Variants in RBFOX3 observed in about 807,000 individuals in gnomAD.
RBFOX3 encodes the protein RNA binding protein fox-1 homolog 3.
A neutral mutation model predicts 48.7 loss-of-function variants in RBFOX3; 17 were observed. That is an observed-to-expected ratio of 0.35 (90% confidence interval 0.24 to 0.52). The LOEUF is 0.52. Among genes scored for constraint, RBFOX3 ranks in the 20% least tolerant of loss-of-function variants. The probability of loss-of-function intolerance (pLI) is 0.94; values close to 1 mark genes in which losing one functional copy is unlikely to be tolerated. For missense variants in RBFOX3, 382 were observed against 497.5 expected (o/e 0.77, Z 2.21); for synonymous variants, 212 against 209.5 (o/e 1.01, Z -0.10).
In RBFOX3 at chr17:79,149,285, C is replaced by T. The variant is rs529588886; in HGVS notation, c.-33-33537G>A. On this transcript the variant is annotated intron_variant, in intron 4 of 14. Transcript: ENST00000693108. ...TAGTAGAGCGTGGGAGGCAGCATCTCGGGACCCCTCCCTGGCCCGGTGCAG... is the reference window on the plus strand; with the variant it reads ...TAGTAGAGCGTGGGAGGCAGCATCTTGGGACCCCTCCCTGGCCCGGTGCAG... Among the ~76,000 whole-genome samples, 249 of 152,266 alleles carry T rather than the reference C, an allele frequency of 1.6e-3. 1 individual carries two copies. Among genetic ancestry groups the T allele is most frequent in the African/African-American group, 5.5e-3 (228 of 41,526 alleles).
intron 5 of RBFOX3, among the ~76,000 whole-genome samples, chr17:79,109,923 G>A (rs1047856681): frequency 6.6e-6 from 1 of 152,180 alleles, no homozygotes; most frequent in African/African-American, 2.4e-5. Flanking sequence ...CACAGGTGAG[G>A]AAGAAGCCAT....
At chr17:79,611,266 C>T (rs2093967617), upstream of RBFOX3, among the ~76,000 whole-genome samples, 1 of 149,600 alleles carries the variant, frequency 6.7e-6, no homozygotes, top group African/African-American at 2.5e-5. Flanking sequence ...CACGCGGCGG[C>T]GGCGCGGGCG....
chr17:79,517,958 G>A (rs1427749943), intron 1 of RBFOX3, among the ~76,000 whole-genome samples: 6 of 152,158 alleles, frequency 3.9e-5, no homozygotes, highest in African/African-American at 1.4e-4. Flanking sequence ...CAGACAGGAG[G>A]CAGCCGGAGA....
intron 1 of RBFOX3, among the ~76,000 whole-genome samples, chr17:79,563,610 C>G (rs2092340490): frequency 6.6e-6 from 1 of 152,208 alleles, no homozygotes; most frequent in African/African-American, 2.4e-5. Context: ...GACATTGGTA[C>G]AGGTTTGATT....
At chr17:79,639,558 T>C in the RBFOX3 span, among the ~76,000 whole-genome samples, 11 of 152,198 alleles carry the variant, frequency 7.2e-5, no homozygotes, top group Non-Finnish European at 1.3e-4. Context: ...TACAGGGCAA[T>C]ATCTCTGATG....
intron 2 of RBFOX3, among the ~76,000 whole-genome samples, chr17:79,330,434 C>G (rs1365679905): frequency 7.0e-6 from 1 of 143,674 alleles, no homozygotes; most frequent in Non-Finnish European, 1.5e-5. Flanking sequence ...CTCCACCGAG[C>G]ACAACGATGC....
chr17:79,649,818 G>A, the RBFOX3 span, among the ~76,000 whole-genome samples: 1 of 152,290 alleles, frequency 6.6e-6, no homozygotes, highest in Non-Finnish European at 1.5e-5. Flanking sequence ...TTCTGGGGAG[G>A]CCTCAGGAAA....
intron 4 of RBFOX3, among the ~76,000 whole-genome samples, chr17:79,117,086 G>A (rs2034222356): frequency 6.6e-6 from 1 of 152,168 alleles, no homozygotes; most frequent in Non-Finnish European, 1.5e-5. Context: ...CAGAGGGAAA[G>A]GGGCTCCGGC....
chr17:79,658,619 G>T, the RBFOX3 span, among the ~76,000 whole-genome samples: 1 of 151,958 alleles, frequency 6.6e-6, no homozygotes. Flanking sequence ...TGAAGCTGTC[G>T]CTTGTGCAGA....
chr17:79,248,839 A>G (rs2063530475), intron 3 of RBFOX3, among the ~76,000 whole-genome samples: 1 of 152,212 alleles, frequency 6.6e-6, no homozygotes, highest in Admixed American at 6.5e-5. Flanking sequence ...CTCAGCATCC[A>G]GCCTCACTTA....
At chr17:79,605,694 T>C (rs1417771516) in intron 1 of RBFOX3, among the ~76,000 whole-genome samples, 1 of 152,238 alleles carries the variant, frequency 6.6e-6, no homozygotes, top group Non-Finnish European at 1.5e-5. Context: ...CTCTTTCTTT[T>C]TTCTGCTGGG....
the RBFOX3 span, among the ~76,000 whole-genome samples, chr17:79,624,645 C>G: frequency 6.6e-6 from 1 of 152,180 alleles, no homozygotes; most frequent in Non-Finnish European, 1.5e-5. Context: ...TGAGGATTTT[C>G]TCGGGACCTG....
chr17:79,225,706 C>T (rs989975464), intron 4 of RBFOX3, among the ~76,000 whole-genome samples: 1 of 152,194 alleles, frequency 6.6e-6, no homozygotes, highest in Non-Finnish European at 1.5e-5. Context: ...TAGGGGGCTG[C>T]TGGGCAGAGC....
intron 4 of RBFOX3, among the ~76,000 whole-genome samples, chr17:79,223,052 A>G (rs566777476): frequency 6.6e-6 from 1 of 152,258 alleles, no homozygotes; most frequent in East Asian, 1.9e-4. Context: ...TCCTCAAACA[A>G]GCTGCCTGTC....
intron 1 of RBFOX3, among the ~76,000 whole-genome samples, chr17:79,486,401 C>T (rs1250909239): frequency 2.6e-5 from 4 of 152,174 alleles, no homozygotes; most frequent in African/African-American, 9.6e-5. Context: ...CAGAGCACAG[C>T]AGAGCACACA....
Position 79,231,801 on chromosome 17 carries a change from GGAGA to G in RBFOX3, c.-34+3961_-34+3964del, listed in dbSNP as rs536487382. ...GAAATTAAAGAAATTCTAAATAAAT[GGAGA>G]GAAATACCTTGTTTATGAGTCAGAA... On this transcript the variant is annotated intron_variant, in intron 4 of 14. Coordinates refer to ENST00000693108, the MANE Select transcript of RBFOX3 (RefSeq NM_001350451.2). 2.3e-3 allele frequency among the ~76,000 whole-genome samples: 351 copies of G among 152,254 alleles called. 2 individuals are homozygous for G. The highest frequency in any genetic ancestry group is 8.2e-3 in the African/African-American group (339 of 41,546).
chr17:79,583,269 G>T (rs1490154829), intron 1 of RBFOX3, among the ~76,000 whole-genome samples: 1 of 152,216 alleles, frequency 6.6e-6, no homozygotes, highest in Non-Finnish European at 1.5e-5. Flanking sequence ...GATGCAGTAA[G>T]CTGATGTGTG....
intron 3 of RBFOX3, among the ~76,000 whole-genome samples, chr17:79,267,384 A>ACT (rs1394226058): frequency 1.4e-5 from 2 of 147,720 alleles, no homozygotes; most frequent in Admixed American, 1.3e-4. Context: ...TGCCCATGTC[A>ACT]CTCTCTCTCT....
chr17:79,223,239 C>G (rs995842360), intron 4 of RBFOX3, among the ~76,000 whole-genome samples: 1 of 152,160 alleles, frequency 6.6e-6, no homozygotes, highest in African/African-American at 2.4e-5. Context: ...TACACACACA[C>G]GGTCCCCCTA....
Sources: gnomAD v4.1 joint callset for allele counts (sites outside exome capture counted in the v4.1 genomes callset) on GRCh38, gnomAD v4.1.1 for gene constraint, MANE v1.5 for transcripts, NCBI Gene and HGNC (gene_info 2026-07-23, HGNC 2026-07-21) for gene names.